The following KCNIP4 variants were observed in gnomAD, a reference collection of about 807,000 sequenced individuals.
KCNIP4 encodes potassium voltage-gated channel interacting protein 4.
In KCNIP4, 12 loss-of-function variants were observed where a neutral mutation model predicts 34.0. The observed-to-expected ratio is 0.35, with a 90% CI of 0.23 to 0.57. The LOEUF is 0.57. Among genes scored for constraint, KCNIP4 ranks in the 20% least tolerant of loss-of-function variants. The pLI is 0.83. For synonymous variants in KCNIP4, 124 were observed against 102.2 expected, an observed-to-expected ratio of 1.21 and a Z score of -1.29; for missense variants, 238 against 311.7, an observed-to-expected ratio of 0.76 and a Z score of 1.78.
chr4:21,681,694 A>G (rs73114073), intron 1 of KCNIP4, among the ~76,000 whole-genome samples: 307 of 152,242 alleles, frequency 2.0e-3, no homozygotes, highest in African/African-American at 6.9e-3. Flanking sequence ...GAGACTGGAT[A>G]AATTACAAAG....
At chr4:21,226,869 T>C (rs971833022) in intron 1 of KCNIP4, among the ~76,000 whole-genome samples, 5 of 115,872 alleles carry the variant, frequency 4.3e-5, no homozygotes, top group African/African-American at 7.6e-5. Flanking sequence ...GAACCAGTAA[T>C]TTTTTTTTTA....
intron 1 of KCNIP4, among the ~76,000 whole-genome samples, chr4:21,209,400 C>T (rs140550451): frequency 6.6e-6 from 1 of 152,218 alleles, no homozygotes; most frequent in Non-Finnish European, 1.5e-5. Flanking sequence ...CCCCCTACCC[C>T]TCTTTCCCCA....
At chr4:20,978,640 C>T (rs1037227629) in intron 1 of KCNIP4, among the ~76,000 whole-genome samples, 2 of 152,182 alleles carry the variant, frequency 1.3e-5, no homozygotes, top group African/African-American at 4.8e-5. Flanking sequence ...CACTTCTCTT[C>T]ATCCATAAAA....
chr4:21,237,519 T>C (rs1759456185), intron 1 of KCNIP4, among the ~76,000 whole-genome samples: 3 of 152,020 alleles, frequency 2.0e-5, no homozygotes, highest in South Asian at 4.2e-4. Flanking sequence ...AAGAATCAAA[T>C]ACACGCAATA....
At chr4:21,884,466 G>A (rs1252697304) in intron 1 of KCNIP4, among the ~76,000 whole-genome samples, 1 of 152,062 alleles carries the variant, frequency 6.6e-6, no homozygotes, top group Non-Finnish European at 1.5e-5. Context: ...AGTTTCCCAA[G>A]ATGGCCAGAT....
intron 1 of KCNIP4, among the ~76,000 whole-genome samples, chr4:21,528,846 A>G (rs1050451608): frequency 1.4e-5 from 2 of 147,258 alleles, no homozygotes; most frequent in African/African-American, 5.0e-5. Context: ...GAAGGAAGGA[A>G]GGAAGGAAGG....
chr4:20,874,126 T>C (rs1420964788), intron 2 of KCNIP4, among the ~76,000 whole-genome samples: 1 of 152,208 alleles, frequency 6.6e-6, no homozygotes, highest in Non-Finnish European at 1.5e-5. Flanking sequence ...TACATGCTCA[T>C]TAATCCTTTG....
intron 1 of KCNIP4, among the ~76,000 whole-genome samples, chr4:21,866,762 A>ATTTTTTTTTTTTTTTTTTTTTTTTTTTT (rs770568451): frequency 2.4e-5 from 2 of 82,698 alleles, no homozygotes; most frequent in Non-Finnish European, 2.1e-5. Flanking sequence ...TTCAGCCTGG[A>ATTTTTTTTTTTTTTTTTTTTTTTTTTTT]TTTTTTTTTT....
chr4:20,811,514 TGC>T (rs746711909), intron 3 of KCNIP4, among the ~76,000 whole-genome samples: 19,621 of 80,542 alleles, frequency 0.24, 1,347 homozygotes, highest in Admixed American at 0.34. Context: ...TGTGTGTGTG[TGC>T]GCGCGCGCAC....
chr4:21,724,631 A>G (rs188623366), intron 1 of KCNIP4, among the ~76,000 whole-genome samples: 214 of 151,432 alleles, frequency 1.4e-3, no homozygotes, highest in African/African-American at 4.9e-3. Flanking sequence ...AAAATACCGT[A>G]TTTCCCTCTG....
chr4:20,864,127 CACAT>C, intron 2 of KCNIP4, among the ~76,000 whole-genome samples: 1 of 125,134 alleles, frequency 8.0e-6, no homozygotes, highest in Non-Finnish European at 2.0e-5. Context: ...TCCATGTATA[CACAT>C]GTATGTATAC....
At chr4:21,478,267 T>A (rs556831298) in intron 1 of KCNIP4, among the ~76,000 whole-genome samples, 1 of 151,352 alleles carries the variant, frequency 6.6e-6, no homozygotes, top group East Asian at 1.9e-4. Context: ...TTTATTTATG[T>A]GTTATTTCTT....
At chr4:21,366,714 G>C (rs934415962) in intron 1 of KCNIP4, among the ~76,000 whole-genome samples, 2 of 151,998 alleles carry the variant, frequency 1.3e-5, no homozygotes, top group African/African-American at 4.8e-5. Flanking sequence ...TATCTCTATA[G>C]TACCTGGTCT....
At chr4:21,531,926 C>T (rs962920606) in intron 1 of KCNIP4, among the ~76,000 whole-genome samples, 2 of 151,966 alleles carry the variant, frequency 1.3e-5, no homozygotes, top group Non-Finnish European at 2.9e-5. Context: ...AAGTCTTATG[C>T]TTTCAAGCCT....
intron 1 of KCNIP4, among the ~76,000 whole-genome samples, chr4:21,382,153 A>T (rs548139845): frequency 6.6e-6 from 1 of 152,334 alleles, no homozygotes; most frequent in African/African-American, 2.4e-5. Context: ...TGAAATATGT[A>T]GTACTTGGAA....
chr4:20,881,766 G>T (rs1450267270), intron 2 of KCNIP4, among the ~76,000 whole-genome samples: 2 of 152,170 alleles, frequency 1.3e-5, no homozygotes, highest in East Asian at 1.9e-4. Flanking sequence ...TGCTGTGAAG[G>T]TATTTTGTCG....
chr4:20,876,919 C>G (rs1173262275), intron 2 of KCNIP4, among the ~76,000 whole-genome samples: 2 of 152,140 alleles, frequency 1.3e-5, no homozygotes, highest in Admixed American at 6.5e-5. Context: ...CTGACTGACT[C>G]TTAGTGTGAC....
Position 21,257,438 on chromosome 4 carries a change from C to T in KCNIP4, c.62-374729G>A, listed in dbSNP as rs540940357. 1.3e-4 allele frequency among the ~76,000 whole-genome samples: 20 copies of T among 152,190 alleles called. No homozygotes were observed. The South Asian group carries it at 4.2e-3, about 32-fold the overall frequency. On this transcript the variant is annotated intron_variant, in intron 1 of 8. Transcript: ENST00000382152. ...AGATGCAATGTTTTGGGCTCCACCT[C>T]AGACCAACTGTATCAGAAACTCTAG...
At chr4:21,328,183 G>T (rs907692962) in intron 1 of KCNIP4, among the ~76,000 whole-genome samples, 1 of 152,092 alleles carries the variant, frequency 6.6e-6, no homozygotes, top group African/African-American at 2.4e-5. Flanking sequence ...TGGCTTGTTT[G>T]TACCTGTCCT....
Sources: allele counts gnomAD v4.1 joint callset (sites outside exome capture counted in the v4.1 genomes callset), GRCh38; gene constraint gnomAD v4.1.1; transcripts MANE v1.5; gene names NCBI Gene and HGNC (gene_info 2026-07-23, HGNC 2026-07-21).